The following ZNF462 variants were observed in gnomAD, a reference collection of about 807,000 sequenced individuals.
ZNF462 encodes zinc finger PBX1-interacting protein.
A neutral mutation model predicts 201.9 loss-of-function variants in ZNF462; 10 were observed. That is an observed-to-expected ratio of 0.05 (90% CI 0.03 to 0.08). The LOEUF is 0.08. Ranked by LOEUF, ZNF462 falls within the 10% of genes least tolerant of loss-of-function variation. The probability of loss-of-function intolerance (pLI) is 1.00; values close to 1 mark genes in which losing one functional copy is unlikely to be tolerated. For missense variants in ZNF462, 2,523 were observed against 3,168.3 expected, an observed-to-expected ratio of 0.80 and a Z score of 4.89; for synonymous variants, 1,227 against 1,193.3, an observed-to-expected ratio of 1.03 and a Z score of -0.58.
rs755889233 is a variant in ZNF462, at chr9:106,927,392, C to G, written c.3480C>G (p.Val1160=). 2.5e-6 allele frequency: 4 copies of G among 1,613,724 alleles called. No individual in the cohort carries two copies. The African/African-American group carries it at 5.3e-5, about 22-fold the overall frequency. The part of the protein sequence containing the change: ...APPTAAMMRG[V]EGPQGSPRPP... Reference sequence around the variant, plus strand: ...CCACAGCTGCAATGATGAGAGGGGTCGAAGGGCCCCAAGGCTCCCCCCGGC... The same window carrying G: ...CCACAGCTGCAATGATGAGAGGGGTGGAAGGGCCCCAAGGCTCCCCCCGGC... Residue 1160 remains valine, a synonymous_variant, in exon 3 of 13, where the codon GTC becomes GTG. Transcript: ENST00000277225.
chr9:106,879,702 T>G (rs906766881), intron 1 of ZNF462, among the ~76,000 whole-genome samples: 1 of 152,124 alleles, frequency 6.6e-6, no homozygotes, highest in Non-Finnish European at 1.5e-5. Context: ...GCAGAATGGT[T>G]CCAGTGATTC....
chr9:106,946,152 C>G (rs1210659954), intron 7 of ZNF462, among the ~76,000 whole-genome samples: 1 of 152,208 alleles, frequency 6.6e-6, no homozygotes, highest in Non-Finnish European at 1.5e-5. Context: ...TTATTCAGAA[C>G]TAGTTCCCAG....
chr9:106,925,895 A>G lies in ZNF462; in HGVS notation c.1983A>G (p.Ser661=). Residue 661 remains serine, a synonymous_variant, in exon 3 of 13, where the codon TCA becomes TCG. Coordinates refer to ENST00000277225, the MANE Select transcript of ZNF462 (RefSeq NM_021224.6). The surrounding 1 kb of genome is among the most constrained non-coding windows in gnomAD (Gnocchi z 7.9). ...SSNTVKKSQT[S]ILGLSSKNNF... ...ACACTGTGAAGAAAAGTCAGACCTC[A>G]ATTCTTGGGTTGTCCTCCAAGAACA... The G allele has an allele frequency of 6.2e-7, 1 of 1,614,228 alleles. No individual in the cohort carries two copies. The highest frequency in any genetic ancestry group is 8.5e-7 in the Non-Finnish European group (1 of 1,180,044).
chr9:106,940,720 A>G (rs1830831882), intron 7 of ZNF462, among the ~76,000 whole-genome samples: 1 of 152,102 alleles, frequency 6.6e-6, no homozygotes, highest in African/African-American at 2.4e-5. Flanking sequence ...GCTACTGTGT[A>G]GTAGTTTAAA....
chr9:106,899,457 T>C (rs1828964238), intron 1 of ZNF462, among the ~76,000 whole-genome samples: 2 of 152,090 alleles, frequency 1.3e-5, no homozygotes, highest in South Asian at 4.2e-4. Context: ...GCCACTTCCA[T>C]TGTGGCACGA....
rs1831478435 is a variant in ZNF462 at position 106,954,262 on chromosome 9, C to CAGGGA, written c.6427+15156_6427+15157insGGGAA. Among the ~76,000 whole-genome samples, 1 of 151,976 alleles carries CAGGGA rather than the reference C, an allele frequency of 6.6e-6. No individual in the cohort carries two copies. The highest frequency in any genetic ancestry group is 2.1e-4 in the South Asian group (1 of 4,812). ...GGAAACTTATAATCAAGGTGGAAGG[C>CAGGGA]AAAGGGGGAGCAAGGCACATCTTAT... is the stretch of plus-strand genomic sequence containing the variant. On this transcript the variant is annotated intron_variant, in intron 7 of 12. Transcript: ENST00000277225. The surrounding 1 kb of genome is among the most constrained non-coding windows in gnomAD (Gnocchi z 4.0).
chr9:106,914,378 A>G (rs1280964260), intron 1 of ZNF462, among the ~76,000 whole-genome samples: 1 of 152,200 alleles, frequency 6.6e-6, no homozygotes. Flanking sequence ...CAGTATCCAT[A>G]GCCTTTACCC....
At chr9:106,991,898 C>T (rs1014038529) in intron 10 of ZNF462, among the ~76,000 whole-genome samples, 11 of 147,402 alleles carry the variant, frequency 7.5e-5, no homozygotes, top group East Asian at 4.0e-4. Context: ...CAAAATGGAC[C>T]GTAAGCTTAA....
At chr9:106,943,184 C>T (rs1312680851) in intron 7 of ZNF462, among the ~76,000 whole-genome samples, 1 of 151,598 alleles carries the variant, frequency 6.6e-6, no homozygotes, top group African/African-American at 2.4e-5. Context: ...TTGATATAGT[C>T]CTCCCAAAAG....
At position 107,006,837 on chromosome 9, in the gene ZNF462, TA is replaced by T. The variant is rs1351228360; in HGVS notation, c.7190-2704del. 1.3e-5 allele frequency among the ~76,000 whole-genome samples: 2 copies of T among 152,178 alleles called. No individual in the cohort carries two copies. The highest frequency in any genetic ancestry group is 2.9e-5 in the Non-Finnish European group (2 of 68,018). ...TTAACCTGAAAAATACATGGACAAATAAAACATCCTTACCATATAGGTTGAT... is the reference window on the plus strand; with the variant it reads ...TTAACCTGAAAAATACATGGACAAATAAACATCCTTACCATATAGGTTGAT... On this transcript the variant is annotated intron_variant, in intron 11 of 12. Coordinates refer to ENST00000277225, the MANE Select transcript of ZNF462 (RefSeq NM_021224.6). The surrounding 1 kb of genome is among the most constrained non-coding windows in gnomAD (Gnocchi z 4.3).
chr9:106,914,543 G>A (rs764618613), intron 1 of ZNF462, among the ~76,000 whole-genome samples: 39 of 152,178 alleles, frequency 2.6e-4, no homozygotes, highest in Non-Finnish European at 1.5e-4. Flanking sequence ...ACCAATCTCT[G>A]TTGGTTGGTT....
At position 106,939,006 on chromosome 9, in the gene ZNF462, C is replaced by T. The variant is rs762614571; in HGVS notation, c.6326C>T (p.Ala2109Val). 1.9e-5 allele frequency: 30 copies of T among 1,613,920 alleles called. No homozygotes were observed. The South Asian group carries it at 2.7e-4, about 15-fold the overall frequency. ...CACTCCCTCAAGGTCCACGGAAAAG[C>T]CCTGACCCTCCCCAGGCCACGGATC... ...KEHSLKVHGK[A>V]LTLPRPRIVS... The change falls in exon 7 of 13, where the codon GCC (alanine) becomes GTC (valine). Residue 2109 changes from alanine to valine, a missense_variant. Ala to Val is a moderately conservative substitution (Grantham distance 64). Around this residue, in one of 15 missense-constraint regions of ZNF462, gnomAD observed 138 missense variants for 146.3 expected, o/e 0.94. Coordinates refer to ENST00000277225, the MANE Select transcript of ZNF462 (RefSeq NM_021224.6).
chr9:106,862,080 C>T (rs915276917), upstream of ZNF462, among the ~76,000 whole-genome samples: 4 of 152,288 alleles, frequency 2.6e-5, no homozygotes, highest in East Asian at 1.9e-4. The surrounding 1 kb of genome is among the most constrained non-coding windows in gnomAD (Gnocchi z 4.2). Flanking sequence ...TCCACCCCCC[C>T]ACCTTCCATA....
chr9:106,951,717 T>C (rs1428385370), intron 7 of ZNF462, among the ~76,000 whole-genome samples: 1 of 152,078 alleles, frequency 6.6e-6, no homozygotes, highest in Non-Finnish European at 1.5e-5. Flanking sequence ...TCTGCAACAT[T>C]TGAGGGTACC....
In ZNF462 at chr9:107,003,173, G is replaced by T; in HGVS notation, c.7057-121G>T. 7.2e-7 allele frequency: 1 copy of T among 1,383,084 alleles called. No individual in the cohort carries two copies. The highest frequency in any genetic ancestry group is 9.8e-7 in the Non-Finnish European group (1 of 1,017,888). The allele number at this position is 1,383,084 out of a possible 1,614,324, so 85.7% of individuals were successfully genotyped here. A position where few individuals can be genotyped will look rare whatever the true frequency, so the allele number is the denominator to read the frequency against. The stretch of plus-strand genomic sequence containing the variant: ...AAAAGACCTCTTAGGCCCCGGAGTT[G>T]TTTGGTCCTGGTTGCAAAACCACAG... On this transcript the variant is annotated intron_variant, in intron 10 of 12. Transcript: ENST00000277225. This position sits in a 1 kb window ranked among gnomAD's most constrained non-coding sequence, Gnocchi z 4.4.
chr9:106,956,732 C>T (rs989062726), intron 7 of ZNF462, among the ~76,000 whole-genome samples: 1 of 152,172 alleles, frequency 6.6e-6, no homozygotes, highest in African/African-American at 2.4e-5. Flanking sequence ...TCTACGTCAG[C>T]ACTTGCTGCT....
At position 107,008,497 on chromosome 9, in the gene ZNF462, G is replaced by A. The variant is rs1292470626; in HGVS notation, c.7190-1048G>A. Among the ~76,000 whole-genome samples the A allele has an allele frequency of 1.3e-5, 2 of 152,132 alleles. No individual in the cohort carries two copies. Among genetic ancestry groups the A allele is most frequent in the Non-Finnish European group, 2.9e-5 (2 of 68,032 alleles). On this transcript the variant is annotated intron_variant, in intron 11 of 12. Coordinates refer to ENST00000277225, the MANE Select transcript of ZNF462 (RefSeq NM_021224.6). The surrounding 1 kb of genome is among the most constrained non-coding windows in gnomAD (Gnocchi z 4.8). ...ATGTCTTGTATGTGTGGACCAGAGT[G>A]ATCAGAGTGTAAAGATGATCAACAC...
At chr9:106,903,430 A>G (rs145107485) in intron 1 of ZNF462, among the ~76,000 whole-genome samples, 2 of 152,184 alleles carry the variant, frequency 1.3e-5, no homozygotes, top group African/African-American at 4.8e-5. Flanking sequence ...TTTTGTATAT[A>G]TCTGTTAAGT....
In ZNF462 at chr9:106,939,077, A is replaced by G. The variant is rs1372200451; in HGVS notation, c.6397A>G (p.Thr2133Ala). Reference protein sequence around the residue: ...SHSHHSSQKATPAEEVEDSND... With the variant: ...SHSHHSSQKAAPAEEVEDSND... ...CTCCCACCACTCCTCCCAAAAAGCTACCCCGGCTGAAGAAGTGGAAGACTC... is the reference window on the plus strand; with the variant it reads ...CTCCCACCACTCCTCCCAAAAAGCTGCCCCGGCTGAAGAAGTGGAAGACTC... Residue 2133 changes from threonine to alanine, a missense_variant, in exon 7 of 13, where the codon ACC (threonine) becomes GCC (alanine). By Grantham distance (58) the Thr-to-Ala change is moderately conservative. Transcript: ENST00000277225. The G allele has an allele frequency of 2.5e-6, 4 of 1,609,388 alleles. No individual in the cohort carries two copies. Among genetic ancestry groups the G allele is most frequent in the Admixed American group, 1.7e-5 (1 of 59,292 alleles).
Sources: gnomAD v4.1 joint callset for allele counts (sites outside exome capture counted in the v4.1 genomes callset) on GRCh38, gnomAD v4.1.1 for gene constraint, gnomAD v4.1.1 regional missense constraint, Gnocchi (gnomAD v3.1) non-coding constraint, MANE v1.5 for transcripts, NCBI Gene and HGNC (gene_info 2026-07-23, HGNC 2026-07-21) for gene names.